NLGN1: variants seen among roughly 807,000 people sequenced by gnomAD.
NLGN1 encodes the protein neuroligin-1.
A neutral mutation model predicts 65.5 loss-of-function variants in NLGN1; 12 were observed. The observed-to-expected ratio is 0.18, with a 90% CI of 0.12 to 0.30. NLGN1 has a LOEUF of 0.30. NLGN1 is among the 10% of genes least tolerant of loss of function. The pLI is 1.00. For synonymous variants in NLGN1, 350 were observed against 359.5 expected (o/e 0.97, Z 0.30); for missense variants, 750 against 1,007.1 (o/e 0.74, Z 3.46).
chr3:173,839,519 T>C (rs985869883), intron 4 of NLGN1, among the ~76,000 whole-genome samples: 5 of 151,970 alleles, frequency 3.3e-5, no homozygotes, highest in African/African-American at 1.2e-4. Flanking sequence ...GCCTCCCGGA[T>C]TCAAGCGATT....
chr3:173,652,697 C>T (rs755255758), intron 3 of NLGN1, among the ~76,000 whole-genome samples: 2 of 152,090 alleles, frequency 1.3e-5, no homozygotes, highest in Non-Finnish European at 2.9e-5. Flanking sequence ...CAGCTTTGTC[C>T]TTTTTGCTTA....
chr3:173,832,913 G>T (rs1722887471), intron 4 of NLGN1, among the ~76,000 whole-genome samples: 1 of 151,896 alleles, frequency 6.6e-6, no homozygotes, highest in Non-Finnish European at 1.5e-5. Context: ...CTCGGTAAAG[G>T]TATATTGGCA....
rs1387545018 is a variant in NLGN1, at chr3:174,173,072, T to C, written c.647-102243T>C. Among the ~76,000 whole-genome samples the C allele has an allele frequency of 2.0e-5, 3 of 152,040 alleles. No individual in the cohort carries two copies. The East Asian group carries it at 5.8e-4, about 29-fold the overall frequency. ...ATTCCTGTGTATTTAATTTTATTTG[T>C]AGATATTGTGTATGGTATTTTTTTT... is the stretch of plus-strand genomic sequence containing the variant. On this transcript the variant is annotated intron_variant, in intron 4 of 6. Transcript: ENST00000457714.
rs1411149353 is a variant in NLGN1 at position 174,178,417 on chromosome 3, A to C, written c.647-96898A>C. 3.3e-5 allele frequency among the ~76,000 whole-genome samples: 5 copies of C among 152,146 alleles called. No homozygotes were observed. The East Asian group carries it at 9.6e-4, about 29-fold the overall frequency. On this transcript the variant is annotated intron_variant, in intron 4 of 6. Transcript: ENST00000457714. ...ATGAAAGTGCCCTGCTGCAAGCAAGAGCTACAGATTGAGGTTAAGAGTAAT... is the reference window on the plus strand; with the variant it reads ...ATGAAAGTGCCCTGCTGCAAGCAAGCGCTACAGATTGAGGTTAAGAGTAAT...
At chr3:173,591,294 G>A (rs1748441301) in intron 2 of NLGN1, among the ~76,000 whole-genome samples, 1 of 152,012 alleles carries the variant, frequency 6.6e-6, no homozygotes, top group Non-Finnish European at 1.5e-5. Context: ...ATTGTTATTA[G>A]TACTAATGCA....
intron 4 of NLGN1, among the ~76,000 whole-genome samples, chr3:174,205,656 TGTAA>T (rs1258346060): frequency 4.6e-5 from 7 of 152,190 alleles, no homozygotes; most frequent in African/African-American, 1.2e-4. Context: ...CTAAATCACC[TGTAA>T]GTATGTCCCT....
chr3:173,438,150 G>A (rs1423569150), intron 2 of NLGN1, among the ~76,000 whole-genome samples: 1 of 151,820 alleles, frequency 6.6e-6, no homozygotes, highest in Non-Finnish European at 1.5e-5. Context: ...GCCTTTGATG[G>A]TTTGGTTATT....
chr3:173,829,553 CGTGTGTGT>C (rs10576627), intron 4 of NLGN1, among the ~76,000 whole-genome samples: 1 of 144,672 alleles, frequency 6.9e-6, no homozygotes, highest in African/African-American at 2.7e-5. Context: ...GGAGTGTGTG[CGTGTGTGT>C]GTGTGTGTGT....
At position 173,737,872 on chromosome 3, in the gene NLGN1, AGCAGTGTATGAGGATTCCAACTTCTCT is replaced by A. The variant is rs1365095471; in HGVS notation, c.494-69804_494-69778del. Among the ~76,000 whole-genome samples the A allele has an allele frequency of 9.2e-5, 14 of 152,138 alleles. 1 individual carries two copies. The highest frequency in any genetic ancestry group is 8.5e-4 in the Admixed American group (13 of 15,242). ...GGATGCATCATTTTACATTCTCACC[AGCAGTGTATGAGGATTCCAACTTCTCT>A]GCATCCTCACCAACACTTGCTTATC... On this transcript the variant is annotated intron_variant, in intron 3 of 6. Coordinates refer to ENST00000457714, the Ensembl canonical transcript of NLGN1.
intron 3 of NLGN1, among the ~76,000 whole-genome samples, chr3:173,672,008 A>G (rs891963504): frequency 1.3e-5 from 2 of 151,954 alleles, no homozygotes; most frequent in African/African-American, 4.8e-5. Flanking sequence ...CCCCGTCTCT[A>G]CTAAAAATAC....
intron 3 of NLGN1, among the ~76,000 whole-genome samples, chr3:173,735,292 G>A (rs766541289): frequency 3.3e-5 from 5 of 152,194 alleles, no homozygotes; most frequent in South Asian, 4.1e-4. Flanking sequence ...GTTTTAATAC[G>A]TGGGAGTTTA....
chr3:174,272,665 G>A (rs4569668), intron 4 of NLGN1, among the ~76,000 whole-genome samples: 40,470 of 116,008 alleles, frequency 0.35, 6,264 homozygotes, highest in East Asian at 0.56. Flanking sequence ...ATGGATGGAT[G>A]GATAGATAGA....
intron 4 of NLGN1, among the ~76,000 whole-genome samples, chr3:173,829,494 CAAATTAAT>C (rs1487310777): frequency 2.6e-5 from 4 of 151,710 alleles, no homozygotes; most frequent in Non-Finnish European, 4.4e-5. Context: ...TTACCATAGT[CAAATTAAT>C]TAACTCATCT....
At chr3:173,889,305 G>A (rs1734907471) in intron 4 of NLGN1, among the ~76,000 whole-genome samples, 1 of 152,028 alleles carries the variant, frequency 6.6e-6, no homozygotes, top group Non-Finnish European at 1.5e-5. Flanking sequence ...TTGGGAGGAG[G>A]GTATGTGAAT....
At chr3:173,448,047 C>T (rs571173987) in intron 2 of NLGN1, among the ~76,000 whole-genome samples, 1 of 152,098 alleles carries the variant, frequency 6.6e-6, no homozygotes, top group Non-Finnish European at 1.5e-5. Context: ...ATTGAATGCC[C>T]TTTATTTCCT....
chr3:173,957,784 G>A (rs1712464633), intron 4 of NLGN1, among the ~76,000 whole-genome samples: 1 of 152,194 alleles, frequency 6.6e-6, no homozygotes, highest in African/African-American at 2.4e-5. Context: ...AGAAACCTCC[G>A]TAGCCAGTGA....
At chr3:173,495,407 A>G (rs962439676) in intron 2 of NLGN1, among the ~76,000 whole-genome samples, 6 of 151,566 alleles carry the variant, frequency 4.0e-5, no homozygotes, top group African/African-American at 9.7e-5. Flanking sequence ...ATTCTATGTA[A>G]ATTTTCATAT....
At chr3:174,122,327 G>A (rs149571233) in intron 4 of NLGN1, among the ~76,000 whole-genome samples, 1 of 152,064 alleles carries the variant, frequency 6.6e-6, no homozygotes, top group South Asian at 2.1e-4. Flanking sequence ...CTGGTTTTCT[G>A]CATGTTATCT....
intron 3 of NLGN1, among the ~76,000 whole-genome samples, chr3:173,608,708 C>T (rs774751486): frequency 6.6e-6 from 1 of 151,648 alleles, no homozygotes; most frequent in African/African-American, 2.4e-5. Flanking sequence ...TGATGATTTC[C>T]ATAGCAGAGA....
Sources: allele counts gnomAD v4.1 joint callset (sites outside exome capture counted in the v4.1 genomes callset), GRCh38; gene constraint gnomAD v4.1.1; transcripts MANE v1.5; gene names NCBI Gene and HGNC (gene_info 2026-07-23, HGNC 2026-07-21).